Variants in ST6GALNAC3 observed in about 807,000 individuals in gnomAD.
ST6GALNAC3 encodes ST6 N-acetylgalactosaminide alpha-2,6-sialyltransferase 3, also known as alpha-N-acetylgalactosaminide alpha-2,6-sialyltransferase 3.
In ST6GALNAC3, 25 loss-of-function variants were observed where a neutral mutation model predicts 32.7. That is an observed-to-expected ratio of 0.76 (90% CI 0.56 to 1.07). The LOEUF (loss-of-function observed/expected upper bound fraction) is 1.07. Ranked by LOEUF, ST6GALNAC3 falls within the 50% of genes least tolerant of loss-of-function variation. The pLI, the probability that ST6GALNAC3 is intolerant of heterozygous loss-of-function variation, is 0.00. For synonymous variants in ST6GALNAC3, 129 were observed against 133.1 expected (o/e 0.97, Z 0.21); for missense variants, 355 against 382.4 (o/e 0.93, Z 0.60).
chr1:76,393,366 G>T (rs1198025503), intron 2 of ST6GALNAC3, among the ~76,000 whole-genome samples: 1 of 152,120 alleles, frequency 6.6e-6, no homozygotes, highest in Non-Finnish European at 1.5e-5. Flanking sequence ...GGGGCAGTGG[G>T]AGAACTTAGA....
At chr1:76,410,847 G>A (rs1380893790) in intron 2 of ST6GALNAC3, among the ~76,000 whole-genome samples, 5 of 152,094 alleles carry the variant, frequency 3.3e-5, no homozygotes. Flanking sequence ...ACTGACGGGG[G>A]AATGGAGTTA....
intron 3 of ST6GALNAC3, among the ~76,000 whole-genome samples, chr1:76,516,363 C>G (rs1932259): frequency 0.86 from 131,535 of 152,168 alleles, 56,982 homozygotes; most frequent in East Asian, 1. Flanking sequence ...TGAGCATATG[C>G]TTTTCCTGTT....
intron 3 of ST6GALNAC3, among the ~76,000 whole-genome samples, chr1:76,451,862 A>AAC (rs1657429416): frequency 6.6e-6 from 1 of 152,208 alleles, no homozygotes; most frequent in Admixed American, 6.5e-5. Flanking sequence ...ATCATCAGCA[A>AAC]ACAGTGACAG....
At chr1:76,465,707 CA>C (rs1184924283) in intron 3 of ST6GALNAC3, among the ~76,000 whole-genome samples, 2 of 151,710 alleles carry the variant, frequency 1.3e-5, no homozygotes, top group African/African-American at 4.8e-5. Flanking sequence ...TAGTATTTTT[CA>C]TTTTTTTTTT....
chr1:76,415,842 A>T (rs1654582924), intron 3 of ST6GALNAC3, among the ~76,000 whole-genome samples: 1 of 152,122 alleles, frequency 6.6e-6, no homozygotes, highest in Admixed American at 6.6e-5. Context: ...GGTAGTATGT[A>T]AACAATATAT....
At chr1:76,610,848 G>C (rs1387972003) in intron 3 of ST6GALNAC3, among the ~76,000 whole-genome samples, 2 of 152,072 alleles carry the variant, frequency 1.3e-5, no homozygotes, top group African/African-American at 4.8e-5. Flanking sequence ...CTTCTTTCCT[G>C]GTATGGGGAT....
chr1:76,327,570 T>A (rs1429667876), intron 2 of ST6GALNAC3, among the ~76,000 whole-genome samples: 2 of 152,182 alleles, frequency 1.3e-5, no homozygotes, highest in Admixed American at 1.3e-4. Context: ...TAAATGTTAA[T>A]CTCATCTACA....
intron 3 of ST6GALNAC3, among the ~76,000 whole-genome samples, chr1:76,550,311 G>A (rs1270695705): frequency 6.6e-6 from 1 of 152,086 alleles, no homozygotes; most frequent in East Asian, 1.9e-4. Flanking sequence ...CTTTCTACAA[G>A]TAGTCCAGCT....
intron 3 of ST6GALNAC3, among the ~76,000 whole-genome samples, chr1:76,583,429 T>C (rs1233349193): frequency 1.3e-5 from 2 of 152,188 alleles, no homozygotes; most frequent in African/African-American, 4.8e-5. Flanking sequence ...AAGTAACAGA[T>C]GGTAAAGATC....
intron 1 of ST6GALNAC3, among the ~76,000 whole-genome samples, chr1:76,237,655 C>G (rs1444776370): frequency 6.6e-6 from 1 of 152,058 alleles, no homozygotes; most frequent in Non-Finnish European, 1.5e-5. Flanking sequence ...AGGGCCATTT[C>G]TCATGGGAAT....
chr1:76,454,192 T>A (rs1657605085), intron 3 of ST6GALNAC3, among the ~76,000 whole-genome samples: 1 of 152,178 alleles, frequency 6.6e-6, no homozygotes, highest in African/African-American at 2.4e-5. Context: ...GGTGAGTCTC[T>A]TGAAGACAGC....
chr1:76,331,180 C>A (rs1178485587), intron 2 of ST6GALNAC3, among the ~76,000 whole-genome samples: 5 of 152,026 alleles, frequency 3.3e-5, no homozygotes, highest in African/African-American at 1.2e-4. Context: ...CAGTGGTGTC[C>A]CCCTACCACT....
chr1:76,243,232 T>C (rs901930927), intron 1 of ST6GALNAC3, among the ~76,000 whole-genome samples: 1 of 152,220 alleles, frequency 6.6e-6, no homozygotes, highest in Non-Finnish European at 1.5e-5. Flanking sequence ...TCATATGTTT[T>C]TGACCACATA....
intron 3 of ST6GALNAC3, among the ~76,000 whole-genome samples, chr1:76,508,578 G>A (rs927856431): frequency 4.6e-5 from 7 of 152,150 alleles, no homozygotes; most frequent in African/African-American, 1.4e-4. Context: ...ATAACCCCCC[G>A]GAGTCTACCC....
intron 2 of ST6GALNAC3, among the ~76,000 whole-genome samples, chr1:76,387,217 G>T (rs1652164804): frequency 1.3e-5 from 2 of 152,164 alleles, no homozygotes; most frequent in East Asian, 3.9e-4. Flanking sequence ...GTGACTGTAG[G>T]GCTGTGGGAG....
At chr1:76,303,347 T>A (rs957083905) in intron 1 of ST6GALNAC3, among the ~76,000 whole-genome samples, 1 of 151,702 alleles carries the variant, frequency 6.6e-6, no homozygotes, top group African/African-American at 2.4e-5. Context: ...GCAAAGGGAG[T>A]GGTCTCTGGT....
intron 1 of ST6GALNAC3, among the ~76,000 whole-genome samples, chr1:76,215,133 T>C (rs1655381898): frequency 6.6e-6 from 1 of 152,110 alleles, no homozygotes; most frequent in African/African-American, 2.4e-5. Flanking sequence ...CTGATTAAAT[T>C]TGTGGATGAC....
Position 76,372,503 on chromosome 1 carries a change from C to A in ST6GALNAC3, c.214-39505C>A, listed in dbSNP as rs377398460. 2.6e-5 allele frequency among the ~76,000 whole-genome samples: 4 copies of A among 151,988 alleles called. No homozygotes were observed. In the South Asian group the frequency reaches 8.3e-4, roughly 31 times the overall value. On this transcript the variant is annotated intron_variant, in intron 2 of 4. Coordinates refer to ENST00000328299, the MANE Select transcript of ST6GALNAC3 (RefSeq NM_152996.4). Reference sequence around the variant, plus strand: ...TTTCCCCCATTCTCAATTCTTTTTCCTCTAAATTCCTTTCCCTCTCAGTTA... The same window carrying A: ...TTTCCCCCATTCTCAATTCTTTTTCATCTAAATTCCTTTCCCTCTCAGTTA...
intron 1 of ST6GALNAC3, among the ~76,000 whole-genome samples, chr1:76,248,379 G>A (rs1489438147): frequency 6.6e-6 from 1 of 152,090 alleles, no homozygotes; most frequent in Non-Finnish European, 1.5e-5. Flanking sequence ...ATCTCCCTAA[G>A]TATGCAGTTA....
Sources: allele counts gnomAD v4.1 joint callset (sites outside exome capture counted in the v4.1 genomes callset), GRCh38; gene constraint gnomAD v4.1.1; transcripts MANE v1.5; gene names NCBI Gene and HGNC (gene_info 2026-07-23, HGNC 2026-07-21).